Variants in TUB observed in about 807,000 individuals in gnomAD.
TUB encodes the protein TUB bipartite transcription factor.
In TUB, 33 loss-of-function variants were observed where a neutral mutation model predicts 59.7. The observed-to-expected ratio is 0.55, with a 90% confidence interval of 0.42 to 0.74. The LOEUF is 0.74. Ranked by LOEUF, TUB falls within the 30% of genes least tolerant of loss-of-function variation. The pLI is 0.00. For synonymous variants in TUB, 293 were observed against 256.4 expected (o/e 1.14, Z -1.36); for missense variants, 659 against 672.0 (o/e 0.98, Z 0.21).
intron 9 of TUB, among the ~76,000 whole-genome samples, chr11:8,100,264 C>T (rs571786002): frequency 2.0e-4 from 30 of 150,864 alleles, no homozygotes; most frequent in Admixed American, 7.9e-4. Flanking sequence ...TTTGCCGGAG[C>T]GAGTGGAAGA....
intron 2 of TUB, among the ~76,000 whole-genome samples, chr11:8,052,465 C>CTTTT (rs11290658): frequency 3.5e-5 from 3 of 85,330 alleles, no homozygotes; most frequent in African/African-American, 4.9e-5. Context: ...TGAATAGGAC[C>CTTTT]TTTTTTTTTT....
intron 2 of TUB, among the ~76,000 whole-genome samples, chr11:8,048,759 G>A (rs959479358): frequency 2.0e-5 from 3 of 151,884 alleles, no homozygotes; most frequent in African/African-American, 7.3e-5. Flanking sequence ...CCATAATTTG[G>A]ACTATTCATA....
At chr11:8,087,867 C>T (rs1943697252) in intron 1 of TUB, among the ~76,000 whole-genome samples, 1 of 152,236 alleles carries the variant, frequency 6.6e-6, no homozygotes, top group African/African-American at 2.4e-5. Context: ...CTGCAGTCCT[C>T]CAGCCTGGGT....
intron 3 of TUB, 80 bp downstream of exon 3, chr11:8,090,311 C>T: frequency 6.5e-7 from 1 of 1,537,654 alleles, no homozygotes; most frequent in South Asian, 1.3e-5. Context: ...CAGGTGCGGA[C>T]TGGTCCTGAC....
chr11:8,059,079 G>A (rs1006119768), intron 2 of TUB, among the ~76,000 whole-genome samples: 2 of 152,166 alleles, frequency 1.3e-5, no homozygotes. Flanking sequence ...GGTAGGGTGG[G>A]GTGGAGGGAC....
chr11:8,043,140 A>G (rs1942779398), intron 2 of TUB, among the ~76,000 whole-genome samples: 1 of 152,174 alleles, frequency 6.6e-6, no homozygotes, highest in Non-Finnish European at 1.5e-5. Flanking sequence ...CAACTCATTC[A>G]TTTGAATATG....
At chr11:8,030,802 A>G (rs1167200754) in intron 1 of TUB, among the ~76,000 whole-genome samples, 1 of 152,162 alleles carries the variant, frequency 6.6e-6, no homozygotes, top group African/African-American at 2.4e-5. Context: ...ACAGCAGCCT[A>G]GGATTATCTC....
upstream of TUB, among the ~76,000 whole-genome samples, chr11:8,035,273 TGCCTTACCCTAACTCCAGTC>T (rs1168747855): frequency 6.6e-6 from 1 of 152,270 alleles, no homozygotes; most frequent in Non-Finnish European, 1.5e-5. Flanking sequence ...TGGCCTCACT[TGCCTTACCCTAACTCCAGTC>T]TTGTTTATCA....
Position 8,102,648 on chromosome 11 carries a change from C to G in TUB, c.*1029C>G, listed in dbSNP as rs1590008246. The G allele has an allele frequency of 6.6e-6, 1 of 152,326 alleles. No individual in the cohort carries two copies. The highest frequency in any genetic ancestry group is 1.9e-4 in the East Asian group (1 of 5,172). 9.4% of individuals were successfully genotyped at this position (152,326 alleles called of 1,614,324 possible). ...GACCCAACTTTCTCACTGCTGTCAG[C>G]CAAGTCATGGTTGGTAACCATGTAG... On this transcript the variant is annotated 3_prime_UTR_variant, in exon 12 of 12. Transcript: ENST00000299506.
chr11:8,038,749 A>G, exon 1 of TUB: 1 of 1,506,546 alleles, frequency 6.6e-7, no homozygotes, highest in Non-Finnish European at 8.8e-7. Context: ...CACGGTGATG[A>G]AGGGAGACAT....
chr11:8,100,066 A>G (rs1786346752), intron 9 of TUB, among the ~76,000 whole-genome samples: 1 of 152,186 alleles, frequency 6.6e-6, no homozygotes, highest in African/African-American at 2.4e-5. Context: ...GATGGTGGGA[A>G]GGAGGAATAG....
upstream of TUB, chr11:8,036,003 C>T (rs1276145899): frequency 6.6e-6 from 1 of 152,304 alleles, no homozygotes; most frequent in Non-Finnish European, 1.5e-5. Context: ...TAGGGGGGCA[C>T]ACCTGTCTCC....
At chr11:8,034,689 C>T (rs915046123), upstream of TUB, among the ~76,000 whole-genome samples, 3 of 152,196 alleles carry the variant, frequency 2.0e-5, no homozygotes, top group African/African-American at 7.2e-5. Context: ...AATTACAGCT[C>T]ATCTGCCATT....
chr11:8,064,681 C>A (rs1169192321), intron 2 of TUB, among the ~76,000 whole-genome samples: 1 of 152,044 alleles, frequency 6.6e-6, no homozygotes. Flanking sequence ...GAACTCAAGG[C>A]AGAGACAGTG....
chr11:8,105,620 A>ATAAAGAT lies in TUB; in HGVS notation c.*4002_*4008dup, dbSNP rs1944538164. ...CTAGGTCCATTTTCCTAACCACAAG[A>ATAAAGAT]TAAAGATGTTACATTGTCAAAGCTT... is the stretch of plus-strand genomic sequence containing the variant. On this transcript the variant is annotated 3_prime_UTR_variant, in exon 12 of 12. Transcript: ENST00000299506. The ATAAAGAT allele has an allele frequency of 6.6e-6, 1 of 152,236 alleles. No homozygotes were observed. Among genetic ancestry groups the ATAAAGAT allele is most frequent in the South Asian group, 2.1e-4 (1 of 4,830 alleles). 9.4% of individuals were successfully genotyped at this position (152,236 alleles called of 1,614,324 possible).
chr11:8,100,613 C>A lies in TUB; in HGVS notation c.1215+12C>A, dbSNP rs1434042749. 4.4e-6 allele frequency: 7 copies of A among 1,608,698 alleles called. No individual in the cohort carries two copies. The highest frequency in any genetic ancestry group is 1.3e-5 in the African/African-American group (1 of 74,766). ...TCCGCCCCCGCAACGTGAGTGTCTACCCCTTCCTCCCCTCTTTCCCCATCA... is the reference window on the plus strand; with the variant it reads ...TCCGCCCCCGCAACGTGAGTGTCTAACCCTTCCTCCCCTCTTTCCCCATCA... On this transcript the variant is annotated intron_variant, in intron 10 of 11. Transcript: ENST00000299506.
At chr11:8,098,737 C>T (rs778081937) in intron 8 of TUB, 21 bp from the exon 9 acceptor site, 2 of 1,573,642 alleles carry the variant, frequency 1.3e-6, no homozygotes, top group Non-Finnish European at 8.7e-7. Flanking sequence ...TGACTCTATA[C>T]TGATTGTGCC....
chr11:8,100,443 C>A (rs529532178), intron 9 of TUB, 60 bp from the exon 10 acceptor site: 43 of 1,350,180 alleles, frequency 3.2e-5, no homozygotes, highest in Admixed American at 8.8e-5. Context: ...CCGTCCCCCC[C>A]ACCTTCTCCA....
At chr11:8,051,278 T>A (rs1027456278) in intron 2 of TUB, among the ~76,000 whole-genome samples, 5 of 152,184 alleles carry the variant, frequency 3.3e-5, no homozygotes, top group Non-Finnish European at 5.9e-5. Context: ...GTGTAAACTG[T>A]TTTGTCATCT....
Sources: allele counts gnomAD v4.1 joint callset (sites outside exome capture counted in the v4.1 genomes callset), GRCh38; gene constraint gnomAD v4.1.1; transcripts MANE v1.5; gene names NCBI Gene and HGNC (gene_info 2026-07-23, HGNC 2026-07-21).